The following CDH4 variants were observed in gnomAD, a reference collection of about 807,000 sequenced individuals.
CDH4 encodes cadherin 4.
In CDH4, 33 loss-of-function variants were observed where a neutral mutation model predicts 86.0. The ratio of observed to expected loss-of-function variants is 0.38; its 90% CI spans 0.29 to 0.51. The LOEUF is 0.51. Among genes scored for constraint, CDH4 ranks in the 20% least tolerant of loss-of-function variants. CDH4 has a pLI of 0.86. For missense variants in CDH4, 1,114 were observed against 1,307.4 expected (o/e 0.85, Z 2.28); for synonymous variants, 555 against 549.4 (o/e 1.01, Z -0.14).
rs113275852 is a variant in CDH4 at position 61,792,008 on chromosome 20, G to A, written c.576+18826G>A. 8.5e-3 allele frequency among the ~76,000 whole-genome samples: 1,298 copies of A among 152,274 alleles called. 21 individuals carry two copies. Among genetic ancestry groups the A allele is most frequent in the African/African-American group, 0.028 (1,159 of 41,532 alleles). ...CCTGCAAGGAGCCATCTGATTGTCC[G>A]TCTATCATCCCCTGGATGCCTTTGG... is the stretch of plus-strand genomic sequence containing the variant. On this transcript the variant is annotated intron_variant, in intron 4 of 15. Transcript: ENST00000614565.
At chr20:61,636,071 A>G (rs1393384617) in intron 2 of CDH4, among the ~76,000 whole-genome samples, 1 of 152,206 alleles carries the variant, frequency 6.6e-6, no homozygotes, top group African/African-American at 2.4e-5. Flanking sequence ...GGGGGGCTCC[A>G]CACGCGTGGG....
chr20:61,686,497 G>A (rs1305707552), intron 2 of CDH4, among the ~76,000 whole-genome samples: 1 of 151,622 alleles, frequency 6.6e-6, no homozygotes, highest in African/African-American at 2.4e-5. Flanking sequence ...GTGCATTCGC[G>A]TGTGTGTATA....
Position 61,709,616 on chromosome 20 carries a change from TCA to T in CDH4, c.170-33944_170-33943del, listed in dbSNP as rs2087868498. ...TTTTTTTTTTTTTATCGCTGGCTAA[TCA>T]CAGAGTGAGCAGAGGTGCATGGCAG... On this transcript the variant is annotated intron_variant, in intron 2 of 15. Transcript: ENST00000614565. This position sits in a 1 kb window ranked among gnomAD's most constrained non-coding sequence, Gnocchi z 4.8. Among the ~76,000 whole-genome samples the T allele has an allele frequency of 6.6e-6, 1 of 151,598 alleles. No homozygotes were observed. Among genetic ancestry groups the T allele is most frequent in the Admixed American group, 6.6e-5 (1 of 15,198 alleles).
At chr20:61,631,607 G>C (rs1009101165) in intron 2 of CDH4, among the ~76,000 whole-genome samples, 2 of 152,188 alleles carry the variant, frequency 1.3e-5, no homozygotes, top group Non-Finnish European at 2.9e-5. Flanking sequence ...TCACGCCACT[G>C]CTCTCTAGCA....
At chr20:61,502,286 TTAGCAGCCTGG>T (rs1374160943) in intron 2 of CDH4, among the ~76,000 whole-genome samples, 1 of 152,248 alleles carries the variant, frequency 6.6e-6, no homozygotes, top group Non-Finnish European at 1.5e-5. Context: ...TTTTCCCATC[TTAGCAGCCTGG>T]TGGTCTACTT....
rs186709479 is a variant in CDH4, at chr20:61,939,922, C to A, written c.*2979C>A. On this transcript the variant is annotated 3_prime_UTR_variant, in exon 16 of 16. Coordinates refer to ENST00000614565, the MANE Select transcript of CDH4 (RefSeq NM_001794.5). ...ACATCCAAAATGCTAGGCCTCCTGC[C>A]ACCAACGTGTCAGAGCAATGTCCAA... is the stretch of plus-strand genomic sequence containing the variant. 15 of 152,372 alleles carry A rather than the reference C, an allele frequency of 9.8e-5. No individual in the cohort carries two copies. The highest frequency in any genetic ancestry group is 9.2e-4 in the Admixed American group (14 of 15,298). The allele number at this position is 152,372 out of a possible 1,614,324, so 9.4% of individuals were successfully genotyped here.
chr20:61,629,764 T>A (rs945226285), intron 2 of CDH4, among the ~76,000 whole-genome samples: 6 of 152,112 alleles, frequency 3.9e-5, no homozygotes, highest in Admixed American at 2.6e-4. Context: ...CCTGCCCCCA[T>A]GGGAAGGTGC....
At chr20:61,327,287 G>A (rs1600868812) in intron 2 of CDH4, among the ~76,000 whole-genome samples, 1 of 152,248 alleles carries the variant, frequency 6.6e-6, no homozygotes, top group African/African-American at 2.4e-5. Context: ...AGAAACCTGA[G>A]CAAAACTTTT....
chr20:61,923,345 G>A lies in CDH4; in HGVS notation c.1375-106G>A, dbSNP rs895994841. 14 of 1,102,190 alleles carry A rather than the reference G, an allele frequency of 1.3e-5. No homozygotes were observed. In the Admixed American group the frequency reaches 2.5e-4, roughly 20 times the overall value. The allele number at this position is 1,102,190 out of a possible 1,614,324, so 68.3% of individuals were successfully genotyped here. On this transcript the variant is annotated intron_variant, in intron 9 of 15. Coordinates refer to ENST00000614565, the MANE Select transcript of CDH4 (RefSeq NM_001794.5). ...TAAAGAGCAGAGCAGAGAAGAGCTG[G>A]ACATGGCTCAGGGAGGGGTGGAGAC...
chr20:61,789,735 G>A (rs1979070540), intron 4 of CDH4, among the ~76,000 whole-genome samples: 1 of 152,242 alleles, frequency 6.6e-6, no homozygotes, highest in African/African-American at 2.4e-5. Flanking sequence ...GGGGCTGCAA[G>A]CACAGCGTTT....
In CDH4 at chr20:61,671,956, T is replaced by G. The variant is rs993886095; in HGVS notation, c.170-71607T>G. The stretch of plus-strand genomic sequence containing the variant: ...ATGGATGATAGATGGTGGATGGATG[T>G]ATGGTTGAATAAGCGGGTAGATAGA... On this transcript the variant is annotated intron_variant, in intron 2 of 15. Transcript: ENST00000614565. Among the ~76,000 whole-genome samples, 6 of 150,224 alleles carry G rather than the reference T, an allele frequency of 4.0e-5. No individual in the cohort carries two copies. In the South Asian group the frequency reaches 7.1e-4, roughly 18 times the overall value.
At chr20:61,275,065 T>A (rs2084220141) in intron 2 of CDH4, among the ~76,000 whole-genome samples, 1 of 122,122 alleles carries the variant, frequency 8.2e-6, no homozygotes, top group Admixed American at 9.0e-5. Flanking sequence ...CGTGTGCAGT[T>A]TGGGGGAGTA....
intron 6 of CDH4, among the ~76,000 whole-genome samples, chr20:61,861,980 C>T (rs1173620970): frequency 2.0e-5 from 3 of 152,206 alleles, no homozygotes; most frequent in African/African-American, 7.2e-5. Context: ...TGGGGAAAGG[C>T]AGGGAAGCAA....
intron 2 of CDH4, among the ~76,000 whole-genome samples, chr20:61,625,933 G>T (rs528198295): frequency 2.0e-5 from 3 of 152,210 alleles, no homozygotes; most frequent in Non-Finnish European, 4.4e-5. Context: ...GTCCCACCTC[G>T]TAGGGTTGCT....
chr20:61,851,415 A>G (rs991387390), intron 5 of CDH4, among the ~76,000 whole-genome samples: 2 of 152,182 alleles, frequency 1.3e-5, no homozygotes, highest in Non-Finnish European at 2.9e-5. Flanking sequence ...CAGGCGTGGA[A>G]TTCAGGGCCC....
intron 2 of CDH4, among the ~76,000 whole-genome samples, chr20:61,690,142 G>A (rs2087637505): frequency 6.8e-6 from 1 of 147,436 alleles, no homozygotes; most frequent in Non-Finnish European, 1.5e-5. Flanking sequence ...GACACTGGTT[G>A]GTGAGGTGAT....
chr20:61,443,944 CTG>C (rs1011849665), intron 2 of CDH4, among the ~76,000 whole-genome samples: 1 of 126,870 alleles, frequency 7.9e-6, no homozygotes, highest in African/African-American at 3.2e-5. Flanking sequence ...TTGTGGATAT[CTG>C]TGTGTGTGTC....
chr20:61,561,844 C>A (rs1227631220), intron 2 of CDH4, among the ~76,000 whole-genome samples: 1 of 152,262 alleles, frequency 6.6e-6, no homozygotes, highest in East Asian at 1.9e-4. Context: ...TTTATAGCTC[C>A]TTTCCTGTGC....
chr20:61,644,599 A>G (rs1395679296), intron 2 of CDH4, among the ~76,000 whole-genome samples: 2 of 152,334 alleles, frequency 1.3e-5, no homozygotes, highest in African/African-American at 2.4e-5. Context: ...GCACAAGGTC[A>G]CGGAGCGGGC....
Sources: allele counts gnomAD v4.1 joint callset (sites outside exome capture counted in the v4.1 genomes callset), GRCh38; gene constraint gnomAD v4.1.1; non-coding constraint Gnocchi (gnomAD v3.1); transcripts MANE v1.5; gene names NCBI Gene and HGNC (gene_info 2026-07-23, HGNC 2026-07-21).